PLCH1: variants seen among roughly 807,000 people sequenced by gnomAD.
PLCH1 encodes the protein 1-phosphatidylinositol 4,5-bisphosphate phosphodiesterase eta-1.
Under a neutral mutation model 126.7 loss-of-function variants are expected in PLCH1, and 60 were observed. The ratio of observed to expected loss-of-function variants is 0.47; its 90% CI spans 0.38 to 0.59. The LOEUF (loss-of-function observed/expected upper bound fraction) is 0.59, where lower values mean the gene tolerates loss of function less well. Among genes scored for constraint, PLCH1 ranks in the 20% least tolerant of loss-of-function variants. The pLI is 0.00. For missense variants in PLCH1, 1,723 were observed against 2,040.0 expected (o/e 0.84, Z 2.99); for synonymous variants, 719 against 734.9 (o/e 0.98, Z 0.35).
chr3:155,739,656 C>G (rs1749470069), intron 1 of PLCH1, among the ~76,000 whole-genome samples: 2 of 152,184 alleles, frequency 1.3e-5, no homozygotes, highest in Admixed American at 1.3e-4. Flanking sequence ...TCACAAATTT[C>G]CCGCCTATTA....
In PLCH1 at chr3:155,549,889, C is replaced by G. The variant is rs745714431; in HGVS notation, c.1260G>C (p.Leu420=). The change falls in exon 10 of 23, where the codon CTG becomes CTC. Residue 420 remains leucine, a synonymous_variant. Transcript: ENST00000460012. ...IQQQRKIAQY[L]KGIFGDKLDL... ...CCAGTTTGTCTCCGAATATTCCTTT[C>G]AGGTACTGAGCAATCTTCCTTTGCT... 6.2e-7 allele frequency: 1 copy of G among 1,613,476 alleles called. No homozygotes were observed. The highest frequency in any genetic ancestry group is 8.5e-7 in the Non-Finnish European group (1 of 1,179,420).
intron 4 of PLCH1, among the ~76,000 whole-genome samples, chr3:155,591,623 T>TTTA (rs1002094698): frequency 1.3e-5 from 2 of 152,016 alleles, no homozygotes; most frequent in Non-Finnish European, 2.9e-5. Flanking sequence ...TGCAACAGAG[T>TTTA]TTATTATTAT....
intron 2 of PLCH1, among the ~76,000 whole-genome samples, chr3:155,607,847 G>A (rs1353626791): frequency 6.6e-6 from 1 of 152,204 alleles, no homozygotes; most frequent in Non-Finnish European, 1.5e-5. Context: ...ACAGGACAGA[G>A]TATGGAGACT....
intron 4 of PLCH1, among the ~76,000 whole-genome samples, chr3:155,591,085 A>G (rs903197138): frequency 2.6e-5 from 4 of 152,250 alleles, no homozygotes; most frequent in Non-Finnish European, 5.9e-5. Flanking sequence ...CAACAAAGCA[A>G]AAAGATGATT....
At chr3:155,504,995 G>C (rs1459201626) in intron 12 of PLCH1, among the ~76,000 whole-genome samples, 1 of 152,204 alleles carries the variant, frequency 6.6e-6, no homozygotes, top group African/African-American at 2.4e-5. Context: ...GTGGGGTTAA[G>C]TCATTTTCAG....
chr3:155,698,331 C>T (rs1745991785), intron 2 of PLCH1, among the ~76,000 whole-genome samples: 1 of 152,068 alleles, frequency 6.6e-6, no homozygotes, highest in African/African-American at 2.4e-5. Context: ...TTTGTATCTC[C>T]AAGACATCAA....
intron 2 of PLCH1, among the ~76,000 whole-genome samples, chr3:155,702,851 T>C (rs6770838): frequency 0.013 from 1,982 of 152,218 alleles, 40 homozygotes; most frequent in African/African-American, 0.045. Context: ...GCATGAGAGA[T>C]AAAGCAATGA....
chr3:155,610,380 A>AAAAC (rs1311852848), intron 2 of PLCH1, among the ~76,000 whole-genome samples: 7 of 149,798 alleles, frequency 4.7e-5, no homozygotes, highest in African/African-American at 1.7e-4. Flanking sequence ...AAAAAAAAAA[A>AAAAC]AAAAAAAAAC....
chr3:155,561,424 AT>A (rs1255461640), intron 8 of PLCH1, among the ~76,000 whole-genome samples: 1 of 151,566 alleles, frequency 6.6e-6, no homozygotes, highest in Non-Finnish European at 1.5e-5. Flanking sequence ...GAGAATGATG[AT>A]TTCCAATTTC....
At chr3:155,616,605 G>C (rs560280232) in intron 2 of PLCH1, among the ~76,000 whole-genome samples, 14 of 152,128 alleles carry the variant, frequency 9.2e-5, no homozygotes, top group African/African-American at 3.1e-4. Context: ...ATTAGCTTTA[G>C]CATTACTATA....
At chr3:155,531,162 G>A (rs1283175582) in intron 10 of PLCH1, among the ~76,000 whole-genome samples, 1 of 152,184 alleles carries the variant, frequency 6.6e-6, no homozygotes, top group Non-Finnish European at 1.5e-5. Context: ...GAGCCTAGGG[G>A]ATGAAAAATG....
chr3:155,540,907 G>T (rs909098591), intron 10 of PLCH1, among the ~76,000 whole-genome samples: 2 of 152,134 alleles, frequency 1.3e-5, no homozygotes, highest in African/African-American at 2.4e-5. Context: ...AAGAGGCAAA[G>T]AAGTCATTAT....
chr3:155,593,916 G>GA (rs1560216825), intron 4 of PLCH1, 25 bp downstream of exon 4: 3 of 1,610,994 alleles, frequency 1.9e-6, no homozygotes, highest in Non-Finnish European at 1.7e-6. Flanking sequence ...AGAGAGAGCT[G>GA]AAAATAAAGT....
At chr3:155,609,736 G>C in intron 2 of PLCH1, among the ~76,000 whole-genome samples, 1 of 151,906 alleles carries the variant, frequency 6.6e-6, no homozygotes, top group East Asian at 1.9e-4. Flanking sequence ...GACACTTAGA[G>C]AAATACAAAA....
intron 6 of PLCH1, among the ~76,000 whole-genome samples, chr3:155,572,638 A>AT (rs1038847223): frequency 3.3e-5 from 5 of 149,812 alleles, no homozygotes; most frequent in Non-Finnish European, 5.9e-5. Context: ...ATTTTCTCTT[A>AT]TTTTTTTCTA....
intron 9 of PLCH1, among the ~76,000 whole-genome samples, chr3:155,552,861 A>G (rs1453819753): frequency 6.6e-6 from 1 of 152,236 alleles, no homozygotes; most frequent in Non-Finnish European, 1.5e-5. Context: ...GAGTCAAAAG[A>G]TAACTTGGGA....
chr3:155,588,183 A>C (rs1335899640), intron 4 of PLCH1, among the ~76,000 whole-genome samples: 1 of 152,170 alleles, frequency 6.6e-6, no homozygotes, highest in East Asian at 1.9e-4. Flanking sequence ...ATATTTTGTA[A>C]ATACCTTATT....
chr3:155,473,735 T>C (rs567896245), intron 21 of PLCH1, among the ~76,000 whole-genome samples: 142 of 151,274 alleles, frequency 9.4e-4, no homozygotes, highest in African/African-American at 3.3e-3. Context: ...GAGATATAGA[T>C]CAATGGAACA....
At chr3:155,570,333 C>G (rs1729030125) in intron 6 of PLCH1, among the ~76,000 whole-genome samples, 1 of 152,108 alleles carries the variant, frequency 6.6e-6, no homozygotes, top group Non-Finnish European at 1.5e-5. Context: ...TGTTTTGCTT[C>G]CTATTTGACA....
Sources: allele counts gnomAD v4.1 joint callset (sites outside exome capture counted in the v4.1 genomes callset), GRCh38; gene constraint gnomAD v4.1.1; transcripts MANE v1.5; gene names NCBI Gene and HGNC (gene_info 2026-07-23, HGNC 2026-07-21).